TNFRSF1B: variants seen among roughly 807,000 people sequenced by gnomAD.
TNFRSF1B encodes TNF receptor superfamily member 1B.
Under a neutral mutation model 44.6 loss-of-function variants are expected in TNFRSF1B, and 19 were observed. The ratio of observed to expected loss-of-function variants is 0.43; its 90% confidence interval spans 0.30 to 0.62. The LOEUF (loss-of-function observed/expected upper bound fraction) is 0.62. Ranked by LOEUF, TNFRSF1B falls within the 20% of genes least tolerant of loss-of-function variation. The pLI is 0.16. For missense variants in TNFRSF1B, 541 were observed against 619.9 expected, an observed-to-expected ratio of 0.87 and a Z score of 1.35; for synonymous variants, 252 against 261.1, an observed-to-expected ratio of 0.97 and a Z score of 0.34.
intron 9 of TNFRSF1B, among the ~76,000 whole-genome samples, chr1:12,202,790 G>A (rs943959829): frequency 6.6e-6 from 1 of 152,246 alleles, no homozygotes; most frequent in Admixed American, 6.5e-5. Flanking sequence ...GAGCCCCAGA[G>A]AGGTTAAACA....
chr1:12,170,983 ACTT>A (rs775791165), intron 1 of TNFRSF1B, among the ~76,000 whole-genome samples: 25 of 147,692 alleles, frequency 1.7e-4, no homozygotes, highest in Middle Eastern at 7.1e-3. Context: ...GCCCGTTCTC[ACTT>A]CTTCTTCTTT....
In TNFRSF1B at chr1:12,202,029, C is replaced by A; in HGVS notation, c.963C>A (p.Ile321=). 1 of 1,612,452 alleles carries A rather than the reference C, an allele frequency of 6.2e-7. No individual in the cohort carries two copies. Among genetic ancestry groups the A allele is most frequent in the Non-Finnish European group, 8.5e-7 (1 of 1,179,602 alleles). The change falls in exon 9 of 10, where the codon ATC becomes ATA. Residue 321 remains isoleucine (I), a synonymous_variant. Coordinates refer to ENST00000376259, the MANE Select transcript of TNFRSF1B (RefSeq NM_001066.3). Reference sequence around the variant, plus strand: ...GCCCCGAGCAGCAGCACCTGCTGATCACAGCGCCGAGCTCCAGCAGCAGCT... The same window carrying A: ...GCCCCGAGCAGCAGCACCTGCTGATAACAGCGCCGAGCTCCAGCAGCAGCT... ...TQGPEQQHLL[I]TAPSSSSSSL...
chr1:12,182,040 T>C (rs1164292400), intron 1 of TNFRSF1B, among the ~76,000 whole-genome samples: 1 of 152,198 alleles, frequency 6.6e-6, no homozygotes, highest in Non-Finnish European at 1.5e-5. Context: ...GAGGAGACAC[T>C]TGAGTGAGGA....
rs544639501 is a variant in TNFRSF1B at position 12,174,259 on chromosome 1, T to A, written c.78+7090T>A. 1.2e-4 allele frequency among the ~76,000 whole-genome samples: 17 copies of A among 145,152 alleles called. No individual in the cohort carries two copies. The East Asian group carries it at 3.4e-3, about 29-fold the overall frequency. ...TTCTCCTTCTCCTTCTCCTTCTCCT[T>A]CTTCTTCTGATGGAGTCTGACTCCG... On this transcript the variant is annotated intron_variant, in intron 1 of 9. Coordinates refer to ENST00000376259, the MANE Select transcript of TNFRSF1B (RefSeq NM_001066.3).
Position 12,207,422 on chromosome 1 carries a change from C to G in TNFRSF1B, c.*402C>G, listed in dbSNP as rs1171904965. ...CTGGGCTCTGCCCCAGCTCTGGCTT[C>G]CAGAAAACCCCAGCATCCTTTTCTG... On this transcript the variant is annotated 3_prime_UTR_variant, in exon 10 of 10. Transcript: ENST00000376259. 2 of 182,070 alleles carry G rather than the reference C, an allele frequency of 1.1e-5. No individual in the cohort carries two copies. The highest frequency in any genetic ancestry group is 2.3e-5 in the African/African-American group (1 of 42,618). 11.3% of individuals were successfully genotyped at this position (182,070 alleles called of 1,614,324 possible).
chr1:12,202,682 A>G (rs1019026960), intron 9 of TNFRSF1B, among the ~76,000 whole-genome samples: 1 of 152,252 alleles, frequency 6.6e-6, no homozygotes, highest in Non-Finnish European at 1.5e-5. Context: ...ACGGAACAGC[A>G]GGCACTGTAC....
intron 1 of TNFRSF1B, among the ~76,000 whole-genome samples, chr1:12,181,032 CTG>C (rs1638791046): frequency 6.6e-6 from 1 of 152,222 alleles, no homozygotes; most frequent in Admixed American, 6.5e-5. Flanking sequence ...CTCTGTCACA[CTG>C]TCACAGCAGC....
chr1:12,200,385 C>T (rs1322754252), intron 8 of TNFRSF1B, among the ~76,000 whole-genome samples: 1 of 151,894 alleles, frequency 6.6e-6, no homozygotes, highest in Admixed American at 6.6e-5. Flanking sequence ...GCGCTCTCTG[C>T]CCCGGAATGA....
intron 9 of TNFRSF1B, among the ~76,000 whole-genome samples, chr1:12,202,414 GGA>G (rs1639415159): frequency 6.6e-6 from 1 of 152,210 alleles, no homozygotes; most frequent in East Asian, 1.9e-4. Flanking sequence ...GGTATCTGGG[GGA>G]GGAGTTTTCC....
chr1:12,192,882 C>G lies in TNFRSF1B; in HGVS notation c.571C>G (p.Pro191Ala), dbSNP rs775398223. The G allele has an allele frequency of 5.6e-6, 9 of 1,613,930 alleles. No individual in the cohort carries two copies. Among genetic ancestry groups the G allele is most frequent in the Non-Finnish European group, 7.6e-6 (9 of 1,179,900 alleles). ...PHQICNVVAI[P>A]GNASMDAVCT... ...CTCCAGCTGTAACGTGGTGGCCATC[C>G]CTGGGAATGCAAGCATGGATGCAGT... is the stretch of plus-strand genomic sequence containing the variant. The change falls in exon 6 of 10, where the codon CCT becomes GCT. Residue 191 changes from proline (P) to alanine (A), a missense_variant. Coordinates refer to ENST00000376259, the MANE Select transcript of TNFRSF1B (RefSeq NM_001066.3).
chr1:12,204,816 AAC>A (rs1323652107), intron 9 of TNFRSF1B, among the ~76,000 whole-genome samples: 181 of 151,572 alleles, frequency 1.2e-3, no homozygotes, highest in African/African-American at 4.2e-3. Flanking sequence ...CACCACCACC[AAC>A]AAAAAAACCC....
chr1:12,192,667 G>C (rs1382047564), intron 5 of TNFRSF1B, 143 bp downstream of exon 5: 6 of 1,009,638 alleles, frequency 5.9e-6, no homozygotes, highest in Non-Finnish European at 9.0e-6. Flanking sequence ...AAATGGCATG[G>C]TGGGCAGGAC....
rs1638444954 is a variant in TNFRSF1B at position 12,168,501 on chromosome 1, G to C, written c.78+1332G>C. Among the ~76,000 whole-genome samples, 1 of 152,138 alleles carries C rather than the reference G, an allele frequency of 6.6e-6. No homozygotes were observed. Among genetic ancestry groups the C allele is most frequent in the Non-Finnish European group, 1.5e-5 (1 of 67,994 alleles). On this transcript the variant is annotated intron_variant, in intron 1 of 9. Coordinates refer to ENST00000376259, the MANE Select transcript of TNFRSF1B (RefSeq NM_001066.3). The surrounding 1 kb of genome is among the most constrained non-coding windows in gnomAD (Gnocchi z 4.7). ...TGAATGGGGACGACCGTGGTCCCCA[G>C]CTTGACTTTGGGGTCATGCCATATA...
intron 2 of TNFRSF1B, among the ~76,000 whole-genome samples, chr1:12,189,512 G>A (rs533953270): frequency 1.6e-4 from 25 of 152,358 alleles, no homozygotes; most frequent in Non-Finnish European, 2.9e-4. Flanking sequence ...CCCAGCCACA[G>A]TTGGTGGAGC....
At chr1:12,175,619 T>G (rs1486258377) in intron 1 of TNFRSF1B, among the ~76,000 whole-genome samples, 1 of 152,152 alleles carries the variant, frequency 6.6e-6, no homozygotes, top group Non-Finnish European at 1.5e-5. Flanking sequence ...TGTCATTTCC[T>G]GAGCCTCGCA....
intron 8 of TNFRSF1B, among the ~76,000 whole-genome samples, chr1:12,200,784 G>A (rs1639373485): frequency 1.3e-5 from 2 of 152,078 alleles, no homozygotes; most frequent in Admixed American, 6.6e-5. Flanking sequence ...CACCACGCCA[G>A]CTAATTTTGT....
Position 12,171,176 on chromosome 1 carries a change from C to CTTT in TNFRSF1B, c.78+4022_78+4024dup, listed in dbSNP as rs61185238. 8.7e-5 allele frequency among the ~76,000 whole-genome samples: 12 copies of CTTT among 137,440 alleles called. No homozygotes were observed. The highest frequency in any genetic ancestry group is 2.4e-4 in the African/African-American group (9 of 37,322). 90.2% of individuals were successfully genotyped at this position (137,440 alleles called of 152,430 possible). On this transcript the variant is annotated intron_variant, in intron 1 of 9. Transcript: ENST00000376259. The surrounding 1 kb of genome is among the most constrained non-coding windows in gnomAD (Gnocchi z 4.5). ...TGCCACCATGCCCGGCTAATTTTTC[C>CTTT]TTTTTTTTTTTTTTTTTAGTAGAGA...
chr1:12,192,851 C>A lies in TNFRSF1B; in HGVS notation c.552-12C>A, dbSNP rs778099535. The A allele has an allele frequency of 6.2e-7, 1 of 1,609,488 alleles. No individual in the cohort carries two copies. Among genetic ancestry groups the A allele is most frequent in the Non-Finnish European group, 8.5e-7 (1 of 1,177,298 alleles). On this transcript the variant is annotated splice_polypyrimidine_tract_variant and intron_variant, in intron 5 of 9. Transcript: ENST00000376259. ...CCCTGCTGCCTCCTGACCAAGCCTC[C>A]TCCTCCTCCAGCTGTAACGTGGTGG...
At chr1:12,191,600 A>G (rs1639132257) in intron 3 of TNFRSF1B, 174 bp from the exon 4 acceptor site, 1 of 726,166 alleles carries the variant, frequency 1.4e-6, no homozygotes, top group Non-Finnish European at 2.4e-6. Context: ...TGCGGAGAGT[A>G]GCAGGACTGC....
Sources: allele counts gnomAD v4.1 joint callset (sites outside exome capture counted in the v4.1 genomes callset), GRCh38; gene constraint gnomAD v4.1.1; non-coding constraint Gnocchi (gnomAD v3.1); transcripts MANE v1.5; gene names NCBI Gene and HGNC (gene_info 2026-07-23, HGNC 2026-07-21).